The following PAQR3 variants were observed in gnomAD, a reference collection of about 807,000 sequenced individuals.
PAQR3 encodes the protein progestin and adipoQ receptor family member 3.
A neutral mutation model predicts 41.7 loss-of-function variants in PAQR3; 39 were observed. The observed-to-expected ratio is 0.93, with a 90% confidence interval of 0.72 to 1.22. The LOEUF (loss-of-function observed/expected upper bound fraction) is 1.22, where lower values mean the gene tolerates loss of function less well. Among genes scored for constraint, PAQR3 ranks in the 50% most tolerant of loss-of-function variants. The pLI, the probability that PAQR3 is intolerant of heterozygous loss-of-function variation, is 0.00. For missense variants in PAQR3, 366 were observed against 385.6 expected (o/e 0.95, Z 0.42); for synonymous variants, 140 against 140.6 (o/e 1.00, Z 0.03).
intron 4 of PAQR3, among the ~76,000 whole-genome samples, chr4:78,924,280 A>T (rs1188753948): frequency 6.6e-6 from 1 of 152,140 alleles, no homozygotes; most frequent in Non-Finnish European, 1.5e-5. Context: ...AAGACCAGGA[A>T]CTTATGGCTG....
At chr4:78,891,558 G>C (rs1577965075) in intron 11 of PAQR3, among the ~76,000 whole-genome samples, 1 of 152,088 alleles carries the variant, frequency 6.6e-6, no homozygotes, top group East Asian at 1.9e-4. Flanking sequence ...GTTCTCCTCT[G>C]TTTTCTAGCT....
chr4:78,926,465 G>C (rs554217758), intron 4 of PAQR3, 56 bp downstream of exon 4: 5 of 1,459,252 alleles, frequency 3.4e-6, no homozygotes, highest in Non-Finnish European at 4.7e-6. Context: ...TACCCAAAAG[G>C]AATAAAATTG....
chr4:78,937,650 AC>A (rs1737573036), intron 1 of PAQR3, among the ~76,000 whole-genome samples: 1 of 152,180 alleles, frequency 6.6e-6, no homozygotes. Flanking sequence ...TACTGTGATT[AC>A]CCTCATTTTT....
chr4:78,938,994 T>C (rs1042935685), intron 1 of PAQR3, 46 bp downstream of exon 1: 6 of 1,503,632 alleles, frequency 4.0e-6, no homozygotes, highest in Non-Finnish European at 5.4e-6. Flanking sequence ...AAAAAGGGTG[T>C]AGGTGAGAGA....
rs1309432390 is a variant in PAQR3 at position 78,920,248 on chromosome 4, G to A, written c.*291C>T. 9.4e-7 allele frequency: 1 copy of A among 1,060,766 alleles called. No homozygotes were observed. Among genetic ancestry groups the A allele is most frequent in the Non-Finnish European group, 1.1e-6 (1 of 879,502 alleles). The allele number at this position is 1,060,766 out of a possible 1,614,324, so 65.7% of individuals were successfully genotyped here. On this transcript the variant is annotated 3_prime_UTR_variant, in exon 6 of 6. Transcript: ENST00000512733. ...AAATTAAGCTGGTGCTAAGTAAAAT[G>A]AATCCTATTTCAACACTAGTTTCCC...
downstream of PAQR3, among the ~76,000 whole-genome samples, chr4:78,908,709 T>G (rs777255097): frequency 6.6e-6 from 1 of 152,220 alleles, no homozygotes; most frequent in African/African-American, 2.4e-5. Flanking sequence ...ACAAAATTTT[T>G]AGTACTCCTC....
At chr4:78,922,616 TG>T (rs981793734) in intron 5 of PAQR3, among the ~76,000 whole-genome samples, 21 of 152,066 alleles carry the variant, frequency 1.4e-4, no homozygotes, top group African/African-American at 5.1e-4. Flanking sequence ...AGACCAGGGC[TG>T]GGGGACATAG....
rs1244644035 is a variant in PAQR3, at chr4:78,912,557, C to T, written c.*7982G>A. 6.6e-6 allele frequency: 1 copy of T among 152,346 alleles called. No individual in the cohort carries two copies. The highest frequency in any genetic ancestry group is 1.9e-4 in the East Asian group (1 of 5,200). The allele number at this position is 152,346 out of a possible 1,614,324, so 9.4% of individuals were successfully genotyped here. On this transcript the variant is annotated 3_prime_UTR_variant, in exon 6 of 6. Coordinates refer to ENST00000512733, the MANE Select transcript of PAQR3 (RefSeq NM_001040202.2). The stretch of plus-strand genomic sequence containing the variant: ...GAGTGCAGAGATTTCAGTCCATACA[C>T]CTTTCTCCACAAAGCAGAGCCAGAA...
downstream of PAQR3, chr4:78,887,106 C>T (rs537900852): frequency 9.0e-7 from 1 of 1,114,366 alleles, no homozygotes; most frequent in East Asian, 2.6e-5. Flanking sequence ...ATATGTATAT[C>T]ACTTTTTAAT....
downstream of PAQR3, chr4:78,911,396 A>G (rs1295831800): frequency 1.9e-6 from 3 of 1,614,026 alleles, no homozygotes; most frequent in Non-Finnish European, 2.5e-6. Context: ...AGTGAAAGCA[A>G]TGAGGACCTT....
At chr4:78,887,196 C>G in exon 13 of PAQR3, 1 of 1,609,720 alleles carries the variant, frequency 6.2e-7, no homozygotes, top group Non-Finnish European at 8.5e-7. Flanking sequence ...AGAGAGCATC[C>G]TCAGATAAGA....
At chr4:78,934,650 G>A (rs926964332) in intron 2 of PAQR3, among the ~76,000 whole-genome samples, 2 of 152,062 alleles carry the variant, frequency 1.3e-5, no homozygotes, top group Non-Finnish European at 2.9e-5. Context: ...CAGGCCAGTG[G>A]GTTCAAAATA....
At chr4:78,911,362 C>T (rs1017952122), downstream of PAQR3, 7 of 1,613,588 alleles carry the variant, frequency 4.3e-6, no homozygotes, top group African/African-American at 2.7e-5. Context: ...TCCATTTCAG[C>T]CCTTCCTCAC....
At chr4:78,932,874 A>G (rs1737048055) in intron 2 of PAQR3, among the ~76,000 whole-genome samples, 1 of 152,268 alleles carries the variant, frequency 6.6e-6, no homozygotes, top group East Asian at 1.9e-4. Context: ...ATAATCTGGC[A>G]AATTGGGTAT....
intron 11 of PAQR3, among the ~76,000 whole-genome samples, chr4:78,888,768 G>A (rs547136837): frequency 6.6e-6 from 1 of 152,162 alleles, no homozygotes; most frequent in Admixed American, 6.5e-5. Context: ...TAGATTTTAA[G>A]CTAATTGAGG....
At chr4:78,887,419 C>A in intron 12 of PAQR3, 1 of 678,734 alleles carries the variant, frequency 1.5e-6, no homozygotes. Flanking sequence ...CTTTAGCCAT[C>A]CTACTCTTCT....
chr4:78,926,568 G>A lies in PAQR3; in HGVS notation c.655C>T (p.Leu219Phe), dbSNP rs749471050. The A allele has an allele frequency of 6.2e-7, 1 of 1,613,876 alleles. No individual in the cohort carries two copies. The highest frequency in any genetic ancestry group is 1.7e-5 in the Admixed American group (1 of 60,000). Residue 219 changes from leucine to phenylalanine, a missense_variant, in exon 4 of 6, where the codon CTT becomes TTT. Transcript: ENST00000512733. ...CCTCCATTGAGCCAAACCCAGTGAA[G>A]AGTAGGAATCACTCCATATCCCGAA... ...SVSGYGVIPT[L>F]HWVWLNGGIG...
At chr4:78,893,078 C>T (rs190182428) in intron 11 of PAQR3, among the ~76,000 whole-genome samples, 2 of 152,346 alleles carry the variant, frequency 1.3e-5, no homozygotes, top group African/African-American at 4.8e-5. Flanking sequence ...AGTAGAACTT[C>T]TTCCAAAATT....
rs1734984774 is a variant in PAQR3 at position 78,915,644 on chromosome 4, T to C, written c.*4895A>G. ...ATTAAGATAAAAATATGTACACACA[T>C]GCATGTCACATCTCTCTACTGTGGA... On this transcript the variant is annotated 3_prime_UTR_variant, in exon 6 of 6. Transcript: ENST00000512733. The C allele has an allele frequency of 6.6e-6, 1 of 151,934 alleles. No individual in the cohort carries two copies. Among genetic ancestry groups the C allele is most frequent in the Non-Finnish European group, 1.5e-5 (1 of 67,890 alleles). The allele number at this position is 151,934 out of a possible 1,614,324, so 9.4% of individuals were successfully genotyped here. A position where few individuals can be genotyped will look rare whatever the true frequency, so the allele number is the denominator to read the frequency against.
Sources: allele counts gnomAD v4.1 joint callset (sites outside exome capture counted in the v4.1 genomes callset), GRCh38; gene constraint gnomAD v4.1.1; transcripts MANE v1.5; gene names NCBI Gene and HGNC (gene_info 2026-07-23, HGNC 2026-07-21).